ARHGAP12: variants seen among roughly 807,000 people sequenced by gnomAD.
ARHGAP12 encodes Rho GTPase activating protein 12.
ARHGAP12 carries 64 observed loss-of-function variants against 108.6 expected under a neutral mutation model. That is an observed-to-expected ratio of 0.59 (90% CI 0.48 to 0.73). The LOEUF is 0.73. Among genes scored for constraint, ARHGAP12 ranks in the 30% least tolerant of loss-of-function variants. The pLI, the probability that ARHGAP12 is intolerant of heterozygous loss-of-function variation, is 0.00. For missense variants in ARHGAP12, 940 were observed against 1,005.9 expected (o/e 0.93, Z 0.89); for synonymous variants, 312 against 337.2 (o/e 0.93, Z 0.82).
chr10:31,920,525 C>T (rs1839759829), intron 1 of ARHGAP12, among the ~76,000 whole-genome samples: 1 of 150,402 alleles, frequency 6.6e-6, no homozygotes, highest in Non-Finnish European at 1.5e-5. Flanking sequence ...TATTACCAAT[C>T]CCTCAGCACA....
intron 3 of ARHGAP12, among the ~76,000 whole-genome samples, chr10:31,874,887 T>C (rs1490630249): frequency 1.4e-5 from 2 of 139,714 alleles, no homozygotes; most frequent in Non-Finnish European, 3.0e-5. Context: ...GGCAAGAGAA[T>C]CTCTTGAACC....
intron 1 of ARHGAP12, among the ~76,000 whole-genome samples, chr10:31,919,078 G>A (rs1288937526): frequency 6.6e-6 from 1 of 152,182 alleles, no homozygotes; most frequent in Non-Finnish European, 1.5e-5. Context: ...AGTACAATGT[G>A]AATGAACTCT....
chr10:31,853,220 C>T (rs1170609053), intron 5 of ARHGAP12, among the ~76,000 whole-genome samples: 2 of 152,164 alleles, frequency 1.3e-5, no homozygotes, highest in Admixed American at 1.3e-4. Context: ...CACAGGTACA[C>T]TCACATTCTC....
At chr10:31,889,415 C>G (rs984343135) in intron 3 of ARHGAP12, among the ~76,000 whole-genome samples, 1 of 152,082 alleles carries the variant, frequency 6.6e-6, no homozygotes. Flanking sequence ...AAAAGTACAA[C>G]ACAAAACAAA....
chr10:31,813,479 G>C (rs960974314), intron 14 of ARHGAP12, among the ~76,000 whole-genome samples: 1 of 152,068 alleles, frequency 6.6e-6, no homozygotes. Context: ...GAAGTTGAGA[G>C]CATGAAGAAT....
chr10:31,831,891 T>G, intron 9 of ARHGAP12, 91 bp from the exon 10 acceptor site: 1 of 659,612 alleles, frequency 1.5e-6, no homozygotes, highest in Non-Finnish European at 2.4e-6. Context: ...TCTCGTTCTC[T>G]AAAAATTAGC....
chr10:31,862,994 A>C (rs186567529), intron 3 of ARHGAP12, among the ~76,000 whole-genome samples: 39 of 152,344 alleles, frequency 2.6e-4, no homozygotes, highest in East Asian at 1.5e-3. Flanking sequence ...ACTTCTAAAA[A>C]TATTTGTCTA....
At chr10:31,897,905 C>T (rs889120306) in intron 3 of ARHGAP12, among the ~76,000 whole-genome samples, 1 of 152,150 alleles carries the variant, frequency 6.6e-6, no homozygotes, top group Non-Finnish European at 1.5e-5. Context: ...GCAGGCAGAT[C>T]GCTTGCGCCC....
intron 1 of ARHGAP12, among the ~76,000 whole-genome samples, chr10:31,918,592 A>C (rs1839662838): frequency 6.6e-6 from 1 of 152,172 alleles, no homozygotes; most frequent in South Asian, 2.1e-4. Flanking sequence ...CTGTAGCCCT[A>C]GCTACGCAGT....
intron 6 of ARHGAP12, among the ~76,000 whole-genome samples, chr10:31,850,750 T>C (rs923495026): frequency 1.3e-5 from 2 of 152,164 alleles, no homozygotes; most frequent in Non-Finnish European, 2.9e-5. Context: ...AACTTAACTT[T>C]AAAAAACTTG....
At chr10:31,830,983 G>A (rs936351123) in intron 10 of ARHGAP12, among the ~76,000 whole-genome samples, 4 of 152,222 alleles carry the variant, frequency 2.6e-5, no homozygotes, top group South Asian at 2.1e-4. Flanking sequence ...GAACACTGTC[G>A]AAATGACTTT....
intron 10 of ARHGAP12, 142 bp from the exon 11 acceptor site, chr10:31,826,527 T>C (rs972332352): frequency 6.4e-6 from 4 of 624,588 alleles, no homozygotes; most frequent in Non-Finnish European, 1.1e-5. Flanking sequence ...TTATTGGGGA[T>C]AGATACTAAT....
In ARHGAP12 at chr10:31,808,745, T is replaced by C; in HGVS notation, c.2270A>G (p.Glu757Gly). The C allele has an allele frequency of 6.2e-7, 1 of 1,613,428 alleles. No individual in the cohort carries two copies. Among genetic ancestry groups the C allele is most frequent in the Admixed American group, 1.7e-5 (1 of 59,848 alleles). The change falls in exon 19 of 20, where the codon GAA becomes GGA. Residue 757 changes from glutamate to glycine, a missense_variant. By Grantham distance (98) the Glu-to-Gly change is moderately conservative (BLOSUM62 -2). Transcript: ENST00000344936. ...FNDFVNAIKQ[E>G]PRQRVAAVKD... ...AACAGCAGCGACTCGCTGTCTTGGT[T>C]CTTGCTCTGAAAAAAGATAATAACC...
At chr10:31,876,878 C>G (rs1837752479) in intron 3 of ARHGAP12, among the ~76,000 whole-genome samples, 1 of 152,214 alleles carries the variant, frequency 6.6e-6, no homozygotes, top group Non-Finnish European at 1.5e-5. Flanking sequence ...TACTCCCAAA[C>G]TAGCTCTCAG....
rs113506519 is a variant in ARHGAP12 at position 31,838,633 on chromosome 10, C to G, written c.1386+672G>C. Among the ~76,000 whole-genome samples the G allele has an allele frequency of 3.8e-3, 578 of 152,114 alleles. 4 individuals are homozygous for G. Among genetic ancestry groups the G allele is most frequent in the Middle Eastern group, 0.01 (3 of 294 alleles). ...TCACTTGAGGGCAGGAGTTTGAGACCAGCCTGGTCAACATAGCGAAACCCC... is the reference window on the plus strand; with the variant it reads ...TCACTTGAGGGCAGGAGTTTGAGACGAGCCTGGTCAACATAGCGAAACCCC... On this transcript the variant is annotated intron_variant, in intron 9 of 19. Coordinates refer to ENST00000344936, the MANE Select transcript of ARHGAP12 (RefSeq NM_018287.7).
At chr10:31,892,882 G>C (rs9971234) in intron 3 of ARHGAP12, among the ~76,000 whole-genome samples, 7,762 of 152,192 alleles carry the variant, frequency 0.051, 650 homozygotes, top group African/African-American at 0.17. Context: ...TAAAATAACA[G>C]AAATTATAAC....
chr10:31,812,890 G>T, intron 14 of ARHGAP12, 67 bp from the exon 15 acceptor site: 1 of 845,562 alleles, frequency 1.2e-6, no homozygotes, highest in Non-Finnish European at 1.8e-6. Context: ...AGTTTTTCCA[G>T]CTAGCATGCA....
intron 9 of ARHGAP12, among the ~76,000 whole-genome samples, chr10:31,833,223 A>C (rs1487626914): frequency 6.6e-6 from 1 of 152,082 alleles, no homozygotes; most frequent in Non-Finnish European, 1.5e-5. Flanking sequence ...AAGTAACAAC[A>C]TTAATCTGAG....
chr10:31,857,711 T>C (rs1336973925), intron 4 of ARHGAP12, among the ~76,000 whole-genome samples: 2 of 152,110 alleles, frequency 1.3e-5, no homozygotes, highest in Admixed American at 6.6e-5. Context: ...GACAATCAGA[T>C]TGACATCTGA....
Sources: allele counts gnomAD v4.1 joint callset (sites outside exome capture counted in the v4.1 genomes callset), GRCh38; gene constraint gnomAD v4.1.1; transcripts MANE v1.5; gene names NCBI Gene and HGNC (gene_info 2026-07-23, HGNC 2026-07-21).